Variants in IFT43 observed in about 807,000 individuals in gnomAD.
IFT43 encodes intraflagellar transport 43, also known as intraflagellar transport protein 43 homolog.
Under a neutral mutation model 32.3 loss-of-function variants are expected in IFT43, and 33 were observed. The observed-to-expected ratio is 1.02, with a 90% confidence interval of 0.77 to 1.37. The LOEUF is 1.37. IFT43 is among the 40% of genes most tolerant of loss of function. The probability of loss-of-function intolerance (pLI) is 0.00; values close to 1 mark genes in which losing one functional copy is unlikely to be tolerated. For missense variants in IFT43, 274 were observed against 265.9 expected (o/e 1.03, Z -0.21); for synonymous variants, 93 against 98.2 (o/e 0.95, Z 0.31).
intron 5 of IFT43, among the ~76,000 whole-genome samples, chr14:76,081,044 C>T (rs2037501507): frequency 6.6e-6 from 1 of 152,182 alleles, no homozygotes; most frequent in African/African-American, 2.4e-5. Flanking sequence ...GTGTCTGTCT[C>T]TCCTTTGCAT....
chr14:76,045,149 CTCT>C (rs1373643681), intron 3 of IFT43, among the ~76,000 whole-genome samples: 4 of 152,174 alleles, frequency 2.6e-5, no homozygotes, highest in African/African-American at 9.7e-5. Context: ...CAATAACACA[CTCT>C]TCTTAAGGGC....
intron 6 of IFT43, 104 bp downstream of exon 6, chr14:76,082,471 G>A: frequency 1.7e-6 from 2 of 1,198,416 alleles, no homozygotes; most frequent in South Asian, 1.2e-5. Flanking sequence ...TCTTTCTGGT[G>A]TTGGGCTCCA....
chr14:76,083,080 C>A, intron 7 of IFT43, 147 bp from the exon 8 acceptor site: 1 of 823,836 alleles, frequency 1.2e-6, no homozygotes, highest in South Asian at 1.4e-5. Context: ...GTGGTTCATT[C>A]ATGATTTTAC....
Position 75,992,835 on chromosome 14 carries a change from C to A in IFT43, c.147+3858C>A, listed in dbSNP as rs116917498. 1.0e-3 allele frequency among the ~76,000 whole-genome samples: 155 copies of A among 152,286 alleles called. 1 individual carries two copies. Among genetic ancestry groups the A allele is most frequent in the Middle Eastern group, 3.4e-3 (1 of 294 alleles). On this transcript the variant is annotated intron_variant, in intron 2 of 8. Transcript: ENST00000314067. Reference sequence around the variant, plus strand: ...GGATTACAGGTGTGAGCCACCACACCCAACCTGGAGAAAAGTTTTTTTGCT... The same window carrying A: ...GGATTACAGGTGTGAGCCACCACACACAACCTGGAGAAAAGTTTTTTTGCT...
At chr14:76,058,772 CTG>C in intron 4 of IFT43, 98 bp downstream of exon 4, 1 of 1,601,582 alleles carries the variant, frequency 6.2e-7, no homozygotes. Flanking sequence ...ATGTTGAACA[CTG>C]TGTTAGAAGT....
intron 5 of IFT43, among the ~76,000 whole-genome samples, chr14:76,070,689 A>G (rs1376220035): frequency 6.6e-6 from 1 of 152,086 alleles, no homozygotes; most frequent in Non-Finnish European, 1.5e-5. Flanking sequence ...TGGCTTTCTC[A>G]TGAATGGTTT....
At chr14:76,042,826 C>T (rs749533488) in intron 3 of IFT43, among the ~76,000 whole-genome samples, 1 of 152,206 alleles carries the variant, frequency 6.6e-6, no homozygotes, top group Non-Finnish European at 1.5e-5. Flanking sequence ...CTTCTGGTTT[C>T]GGGGCCTGTG....
intron 5 of IFT43, chr14:76,076,790 C>G: frequency 7.1e-7 from 1 of 1,403,182 alleles, no homozygotes; most frequent in South Asian, 1.2e-5. Context: ...TGATATTATC[C>G]GTAATGAATG....
intron 3 of IFT43, among the ~76,000 whole-genome samples, chr14:76,025,678 G>A (rs2036378196): frequency 6.6e-6 from 1 of 151,816 alleles, no homozygotes. Flanking sequence ...CTTCAAACCT[G>A]ACAAAAACAA....
chr14:76,058,849 A>G, intron 4 of IFT43, 175 bp downstream of exon 4: 4 of 1,527,314 alleles, frequency 2.6e-6, no homozygotes, highest in Non-Finnish European at 3.5e-6. Context: ...CCTCAACTGA[A>G]GGTCTGGACC....
At chr14:76,050,998 A>G (rs745855607) in intron 3 of IFT43, among the ~76,000 whole-genome samples, 10 of 151,898 alleles carry the variant, frequency 6.6e-5, no homozygotes, top group Non-Finnish European at 1.3e-4. Context: ...GCAGGGGGCA[A>G]CATTCTCCCA....
chr14:75,995,875 G>A (rs1273707885), intron 2 of IFT43, among the ~76,000 whole-genome samples: 2 of 152,200 alleles, frequency 1.3e-5, no homozygotes, highest in East Asian at 3.9e-4. Flanking sequence ...TTTATGTCAT[G>A]CTTGGCATGC....
In IFT43 at chr14:76,083,211, T is replaced by C. The variant is rs760190689; in HGVS notation, c.445-16T>C. On this transcript the variant is annotated splice_polypyrimidine_tract_variant and intron_variant, in intron 7 of 8. Transcript: ENST00000314067. ...TCAAGGTGCTCAGCCTGACCTTTTT[T>C]TGTTTGCATTCACAGGATGGGGAGA... The C allele has an allele frequency of 1.2e-6, 2 of 1,614,058 alleles. No homozygotes were observed. Among genetic ancestry groups the C allele is most frequent in the Admixed American group, 1.7e-5 (1 of 60,000 alleles).
At chr14:75,994,870 C>T (rs1157495962) in intron 2 of IFT43, among the ~76,000 whole-genome samples, 1 of 152,318 alleles carries the variant, frequency 6.6e-6, no homozygotes, top group African/African-American at 2.4e-5. Flanking sequence ...TAAGGACAGA[C>T]CCAGATGCTT....
chr14:75,998,847 C>A (rs2035796323), intron 2 of IFT43, among the ~76,000 whole-genome samples: 2 of 152,226 alleles, frequency 1.3e-5, no homozygotes, highest in African/African-American at 4.8e-5. Flanking sequence ...AATCCTCCCC[C>A]TCGGCCTGCC....
At position 76,022,391 on chromosome 14, in the gene IFT43, C is replaced by A; in HGVS notation, c.212C>A (p.Ser71Ter). Residue 71 changes from serine to a stop codon, truncating the protein, a stop_gained, in exon 3 of 9, where the codon TCG becomes TAG. Transcript: ENST00000314067. LOFTEE classifies it high-confidence loss of function. The stretch of plus-strand genomic sequence containing the variant: ...TGGGCAGGTGATTCCGTGAAGGCTT[C>A]GAAGTGAGTACCAGCAGCTCATAAG... ...GGWAGDSVKASKFRRKASEEI... is the reference protein window; with the variant it reads ...GGWAGDSVKA 1 of 1,594,356 alleles carries A rather than the reference C, an allele frequency of 6.3e-7. No homozygotes were observed. Among genetic ancestry groups the A allele is most frequent in the Non-Finnish European group, 8.6e-7 (1 of 1,162,228 alleles).
intron 3 of IFT43, among the ~76,000 whole-genome samples, chr14:76,039,308 G>A (rs1432031783): frequency 2.6e-5 from 4 of 152,188 alleles, no homozygotes; most frequent in Admixed American, 2.6e-4. Flanking sequence ...ACAGGCGTGT[G>A]CCACCATACT....
chr14:76,047,062 C>T (rs1002045940), intron 3 of IFT43, among the ~76,000 whole-genome samples: 6 of 152,302 alleles, frequency 3.9e-5, no homozygotes, highest in African/African-American at 1.4e-4. Flanking sequence ...ACCAGCCCTT[C>T]GATAAGGGAC....
intron 5 of IFT43, among the ~76,000 whole-genome samples, chr14:76,063,198 A>G (rs2140062534): frequency 6.6e-6 from 1 of 152,294 alleles, no homozygotes; most frequent in African/African-American, 2.4e-5. Context: ...TTCAGTAGTT[A>G]TTGAAATATC....
Sources: gnomAD v4.1 joint callset for allele counts (sites outside exome capture counted in the v4.1 genomes callset) on GRCh38, gnomAD v4.1.1 for gene constraint, MANE v1.5 for transcripts, NCBI Gene and HGNC (gene_info 2026-07-23, HGNC 2026-07-21) for gene names.